SAG: variants seen among roughly 807,000 people sequenced by gnomAD.
SAG encodes the protein S-arrestin.
SAG carries 45 observed loss-of-function variants against 55.0 expected under a neutral mutation model. The observed-to-expected ratio is 0.82, with a 90% CI of 0.64 to 1.05. The LOEUF is 1.05. SAG is among the 50% of genes least tolerant of loss of function. SAG has a pLI of 0.00. For synonymous variants in SAG, 189 were observed against 197.4 expected (o/e 0.96, Z 0.36); for missense variants, 455 against 512.1 (o/e 0.89, Z 1.08).
intron 6 of SAG, among the ~76,000 whole-genome samples, chr2:233,324,093 G>C (rs1018040845): frequency 6.6e-5 from 10 of 152,116 alleles, no homozygotes; most frequent in African/African-American, 2.4e-4. Flanking sequence ...CTGAGTGAGA[G>C]GAGCAAGGGA....
intron 6 of SAG, among the ~76,000 whole-genome samples, chr2:233,323,833 C>T (rs1574937500): frequency 1.3e-5 from 2 of 152,322 alleles, no homozygotes; most frequent in East Asian, 3.9e-4. Flanking sequence ...GAGTCTCACA[C>T]ATTAACCGAG....
intron 9 of SAG, among the ~76,000 whole-genome samples, chr2:233,330,526 TTCCTTCCTTCCTTC>T (rs1700724515): frequency 2.0e-5 from 3 of 149,270 alleles, no homozygotes; most frequent in African/African-American, 7.4e-5. Flanking sequence ...CCTTCCTTCC[TTCCTTCCTTCCTTC>T]CTCCCTTTCT....
rs1204927111 is a variant in SAG, at chr2:233,307,901, G to C, written c.-150G>C. 6.6e-6 allele frequency: 1 copy of C among 152,386 alleles called. No homozygotes were observed. Among genetic ancestry groups the C allele is most frequent in the Non-Finnish European group, 1.5e-5 (1 of 68,074 alleles). 9.4% of individuals were successfully genotyped at this position (152,386 alleles called of 1,614,324 possible). ...AGGAGCCTCAGCGGTGCCCCTTCAG[G>C]CTCATCTGGCAAGACGGTACCAGCT... On this transcript the variant is annotated 5_prime_UTR_variant, in exon 1 of 16. Coordinates refer to ENST00000409110, the MANE Select transcript of SAG (RefSeq NM_000541.5).
chr2:233,311,500 T>C (rs1043307347), intron 2 of SAG, among the ~76,000 whole-genome samples: 1 of 152,190 alleles, frequency 6.6e-6, no homozygotes, highest in Non-Finnish European at 1.5e-5. Context: ...TCAAGAATCG[T>C]ACCCTGGAGC....
intron 4 of SAG, 92 bp downstream of exon 4, chr2:233,318,887 A>T: frequency 9.4e-7 from 1 of 1,064,888 alleles, no homozygotes; most frequent in Non-Finnish European, 1.5e-6. Context: ...ATGGAAGGAG[A>T]GACAGGAAGG....
Position 233,340,627 on chromosome 2 carries a change from A to G in SAG, c.1046+149A>G. The G allele has an allele frequency of 1.5e-6, 1 of 669,926 alleles. No homozygotes were observed. Among genetic ancestry groups the G allele is most frequent in the East Asian group, 2.9e-5 (1 of 34,526 alleles). The allele number at this position is 669,926 out of a possible 1,614,324, so 41.5% of individuals were successfully genotyped here. On this transcript the variant is annotated intron_variant, in intron 13 of 15. Transcript: ENST00000409110. This position sits in a 1 kb window ranked among gnomAD's most constrained non-coding sequence, Gnocchi z 4.2. ...ATGATGCTTTGCCTTCGGATGCATC[A>G]CAGAACCGTGGCTCATAGGCGTTTC...
At chr2:233,346,379 C>T in intron 14 of SAG, 24 bp from the exon 15 acceptor site, 1 of 1,612,866 alleles carries the variant, frequency 6.2e-7, no homozygotes, top group Non-Finnish European at 8.5e-7. Context: ...TCTTCCCTGC[C>T]TCCCTTTTAT....
At chr2:233,327,063 C>T in intron 6 of SAG, 58 bp from the exon 7 acceptor site, 2 of 1,379,966 alleles carry the variant, frequency 1.4e-6, no homozygotes, top group Non-Finnish European at 1.0e-6. Context: ...GGCCCTCTGG[C>T]CCGGCACCCA....
At position 233,318,809 on chromosome 2, in the gene SAG, C is replaced by T; in HGVS notation, c.181+14C>T. On this transcript the variant is annotated intron_variant, in intron 4 of 15. Transcript: ENST00000409110. ...AGGGAAAGAAAGGTGAGATGAAGCC[C>T]CTTGTCTCAGGCTGGTTTCTGGGCG... 3 of 1,612,608 alleles carry T rather than the reference C, an allele frequency of 1.9e-6. No individual in the cohort carries two copies. Among genetic ancestry groups the T allele is most frequent in the Non-Finnish European group, 2.5e-6 (3 of 1,178,726 alleles).
At chr2:233,339,838 T>A (rs1701047076) in intron 12 of SAG, among the ~76,000 whole-genome samples, 2 of 152,020 alleles carry the variant, frequency 1.3e-5, no homozygotes, top group African/African-American at 4.8e-5. Context: ...AATTTTTGTA[T>A]TTTTAGTAGA....
Position 233,327,129 on chromosome 2 carries a change from G to A in SAG, c.444G>A (p.Gly148=). The A allele has an allele frequency of 6.2e-7, 1 of 1,613,846 alleles. No individual in the cohort carries two copies. The highest frequency in any genetic ancestry group is 8.5e-7 in the Non-Finnish European group (1 of 1,179,732). The change falls in exon 7 of 16, where the codon GGG becomes GGA. Residue 148 remains glycine, a synonymous_variant. Transcript: ENST00000409110. ...CTCTCTCTCCCCAACAGTCCTGTGG[G>A]GTTGACTTTGAGGTCAAAGCATTCG... ...PAPQDSGKSC[G]VDFEVKAFAT...
At chr2:233,315,933 C>T in intron 2 of SAG, 142 bp from the exon 3 acceptor site, 1 of 609,466 alleles carries the variant, frequency 1.6e-6, no homozygotes, top group African/African-American at 1.9e-5. Flanking sequence ...AACTCCTGAC[C>T]TCGTGATCCG....
intron 9 of SAG, among the ~76,000 whole-genome samples, chr2:233,330,064 A>C (rs1419813493): frequency 6.6e-6 from 1 of 152,160 alleles, no homozygotes; most frequent in Non-Finnish European, 1.5e-5. Context: ...CCATCATGTC[A>C]TGGCTGACCT....
intron 2 of SAG, among the ~76,000 whole-genome samples, chr2:233,312,120 C>G (rs1375076781): frequency 6.6e-6 from 1 of 152,198 alleles, no homozygotes; most frequent in East Asian, 1.9e-4. Flanking sequence ...GAGCGAAACT[C>G]TGTCTCAAAT....
rs568183301 is a variant in SAG at position 233,328,895 on chromosome 2, C to A, written c.648+282C>A. 10 of 388,090 alleles carry A rather than the reference C, an allele frequency of 2.6e-5. No homozygotes were observed. In the South Asian group the frequency reaches 5.4e-4, roughly 21 times the overall value. 24.0% of individuals were successfully genotyped at this position (388,090 alleles called of 1,614,324 possible). On this transcript the variant is annotated intron_variant, in intron 8 of 15. Transcript: ENST00000409110. The stretch of plus-strand genomic sequence containing the variant: ...CGCTGCTTTTCACATACCTGCCCCC[C>A]AGCTGTCCTTGTCCTGTCCACCTCC...
intron 7 of SAG, 94 bp from the exon 8 acceptor site, chr2:233,328,384 G>T: frequency 6.9e-7 from 1 of 1,452,272 alleles, no homozygotes; most frequent in Non-Finnish European, 9.4e-7. Context: ...GAGCATTCCT[G>T]GAGAATCTCC....
chr2:233,320,136 C>A, intron 4 of SAG: 1 of 293,674 alleles, frequency 3.4e-6, no homozygotes, highest in East Asian at 1.7e-4. Context: ...TGGATTTCAC[C>A]TCCCCATGTG....
Position 233,343,790 on chromosome 2 carries a change from A to G in SAG, c.1102+1464A>G, listed in dbSNP as rs183931438. ...AAGGGATATTTTAAGTAAAAGTGGT[A>G]TAAACAAGCAGGGTTTATTTTTCTC... On this transcript the variant is annotated intron_variant, in intron 14 of 15. Transcript: ENST00000409110. 2.9e-6 allele frequency: 3 copies of G among 1,026,798 alleles called. No individual in the cohort carries two copies. In the Admixed American group the frequency reaches 1.7e-4, roughly 57 times the overall value. The allele number at this position is 1,026,798 out of a possible 1,614,324, so 63.6% of individuals were successfully genotyped here.
intron 11 of SAG, among the ~76,000 whole-genome samples, chr2:233,337,419 A>G (rs187733500): frequency 5.3e-5 from 8 of 152,110 alleles, no homozygotes; most frequent in Admixed American, 6.5e-5. Context: ...TGTACTTTCA[A>G]TAGAGATGGG....
Sources: allele counts gnomAD v4.1 joint callset (sites outside exome capture counted in the v4.1 genomes callset), GRCh38; gene constraint gnomAD v4.1.1; non-coding constraint Gnocchi (gnomAD v3.1); transcripts MANE v1.5; gene names NCBI Gene and HGNC (gene_info 2026-07-23, HGNC 2026-07-21).